Variants in BRWD1 observed in about 807,000 individuals in gnomAD.
BRWD1 encodes bromodomain and WD repeat domain containing 1.
BRWD1 carries 82 observed loss-of-function variants against 251.2 expected under a neutral mutation model. That is an observed-to-expected ratio of 0.33 (90% CI 0.27 to 0.39). The LOEUF is 0.39. BRWD1 is among the 10% of genes least tolerant of loss of function. The pLI is 1.00. For missense variants in BRWD1, 2,233 were observed against 2,711.6 expected, an observed-to-expected ratio of 0.82 and a Z score of 3.92; for synonymous variants, 918 against 902.8, an observed-to-expected ratio of 1.02 and a Z score of -0.30.
rs2031440496 is a variant in BRWD1, at chr21:39,189,656, T to C, written c.*6603A>G. ...TTTCAGAGAATAAGGATAAAAACAATCTGAGGAAGACAAAACTGTGGAGAA... is the reference window on the plus strand; with the variant it reads ...TTTCAGAGAATAAGGATAAAAACAACCTGAGGAAGACAAAACTGTGGAGAA... On this transcript the variant is annotated 3_prime_UTR_variant, in exon 41 of 41. Transcript: ENST00000342449. 1 of 981,660 alleles carries C rather than the reference T, an allele frequency of 1.0e-6. No homozygotes were observed. Among genetic ancestry groups the C allele is most frequent in the Admixed American group, 6.2e-5 (1 of 16,242 alleles). The allele number at this position is 981,660 out of a possible 1,614,324, so 60.8% of individuals were successfully genotyped here. A position where few individuals can be genotyped will look rare whatever the true frequency, so the allele number is the denominator to read the frequency against.
chr21:39,270,971 A>G (rs1170434673), intron 13 of BRWD1, among the ~76,000 whole-genome samples: 1 of 152,218 alleles, frequency 6.6e-6, no homozygotes, highest in Non-Finnish European at 1.5e-5. Context: ...TTGGATACAC[A>G]TGCCTAGAAT....
intron 1 of BRWD1, 69 bp from the exon 2 acceptor site, chr21:39,313,368 G>A: frequency 3.4e-6 from 5 of 1,477,110 alleles, no homozygotes; most frequent in African/African-American, 2.9e-5. Flanking sequence ...AGGGGAGCCG[G>A]GGGAGCCCGG....
Position 39,232,304 on chromosome 21 carries a change from AT to A in BRWD1, c.2893-21del. 1 of 1,604,886 alleles carries A rather than the reference AT, an allele frequency of 6.2e-7. No individual in the cohort carries two copies. Among genetic ancestry groups the A allele is most frequent in the South Asian group, 1.1e-5 (1 of 89,340 alleles). On this transcript the variant is annotated intron_variant, in intron 24 of 40. Transcript: ENST00000342449. ...TATTACCTACAAAAGGGAAATATGC[AT>A]TTAAAAATTAAGAGCAATATAAACT...
chr21:39,320,476 A>G (rs1308284937), intron 1 of BRWD1, among the ~76,000 whole-genome samples: 3 of 151,968 alleles, frequency 2.0e-5, no homozygotes, highest in Non-Finnish European at 2.9e-5. Context: ...CTGGGACTAC[A>G]GGCACCCACC....
At chr21:39,228,608 A>T (rs1210320128) in intron 26 of BRWD1, 26 bp from the exon 27 acceptor site, 13 of 1,399,126 alleles carry the variant, frequency 9.3e-6, no homozygotes, top group Non-Finnish European at 1.3e-5. Flanking sequence ...AAAAATTGTT[A>T]AACTCTCTAC....
At chr21:39,202,854 C>T (rs1054426767) in intron 37 of BRWD1, among the ~76,000 whole-genome samples, 2 of 152,136 alleles carry the variant, frequency 1.3e-5, no homozygotes, top group South Asian at 2.1e-4. Flanking sequence ...CCAACATTTA[C>T]GTAATATAGG....
chr21:39,304,299 A>G (rs1359525989), intron 4 of BRWD1, among the ~76,000 whole-genome samples: 2 of 151,874 alleles, frequency 1.3e-5, no homozygotes, highest in Non-Finnish European at 2.9e-5. Flanking sequence ...ACTTAAACCC[A>G]ATTATGTTTA....
intron 5 of BRWD1, chr21:39,297,106 C>T (rs1385768862): frequency 2.0e-6 from 2 of 985,318 alleles, no homozygotes; most frequent in Middle Eastern, 5.2e-4. Context: ...CTTGACCTAC[C>T]AGCAAATGCA....
chr21:39,296,276 G>A lies in BRWD1; in HGVS notation c.437C>T (p.Pro146Leu). 5 of 1,596,706 alleles carry A rather than the reference G, an allele frequency of 3.1e-6. No homozygotes were observed. Among genetic ancestry groups the A allele is most frequent in the Non-Finnish European group, 4.3e-6 (5 of 1,173,648 alleles). Residue 146 changes from proline to leucine, a missense_variant, in exon 6 of 41, where the codon CCA becomes CTA. Around this residue, in one of 12 missense-constraint regions of BRWD1, gnomAD observed 185 missense variants for 260.6 expected, o/e 0.71. Transcript: ENST00000342449. ...PPEMPVNYGS[P>L]PNLVEIHRGK... ...CCAACCTTACTTACCAAGATTTGGT[G>A]GGGAACCATAATTCACTGGCATTTC...
In BRWD1 at chr21:39,187,169, C is replaced by G. The variant is rs757284105; in HGVS notation, c.*9090G>C. ...TTCAGTAATTTTTTCTTAGCCGCAG[C>G]AGAAGCATTTCGATGGGGCAGTTTT... On this transcript the variant is annotated 3_prime_UTR_variant, in exon 41 of 41. Transcript: ENST00000342449. 1.2e-6 allele frequency: 2 copies of G among 1,613,772 alleles called. No individual in the cohort carries two copies. Among genetic ancestry groups the G allele is most frequent in the Non-Finnish European group, 1.7e-6 (2 of 1,179,910 alleles).
chr21:39,302,847 G>A (rs2036164547), intron 4 of BRWD1, among the ~76,000 whole-genome samples: 1 of 151,692 alleles, frequency 6.6e-6, no homozygotes, highest in Admixed American at 6.6e-5. Context: ...ATCACTTGAG[G>A]CCAAGAGTTC....
intron 25 of BRWD1, among the ~76,000 whole-genome samples, chr21:39,231,205 A>C (rs1442561133): frequency 1.3e-5 from 2 of 152,208 alleles, no homozygotes; most frequent in Non-Finnish European, 2.9e-5. Flanking sequence ...AAATAAAAAA[A>C]CACGTGTACT....
At chr21:39,265,407 C>T (rs1268261899) in intron 15 of BRWD1, among the ~76,000 whole-genome samples, 2 of 152,066 alleles carry the variant, frequency 1.3e-5, no homozygotes, top group Non-Finnish European at 2.9e-5. Context: ...TGCACTCAAG[C>T]CTGGGTGACA....
intron 21 of BRWD1, among the ~76,000 whole-genome samples, chr21:39,244,048 T>C (rs2034094320): frequency 1.3e-5 from 2 of 152,102 alleles, no homozygotes; most frequent in African/African-American, 4.8e-5. Context: ...TAAGGCAGGG[T>C]TTCTGCTCTG....
Position 39,298,488 on chromosome 21 carries a change from G to A in BRWD1, c.293C>T (p.Ser98Leu). The A allele has an allele frequency of 2.5e-6, 4 of 1,610,460 alleles. No homozygotes were observed. The highest frequency in any genetic ancestry group is 2.5e-6 in the Non-Finnish European group (3 of 1,178,960). Residue 98 changes from serine (S) to leucine (L), a missense_variant, in exon 5 of 41, where the codon TCA becomes TTA. Transcript: ENST00000342449. ...TGCACCAAGTAAAGAAGTGACTCTT[G>A]AAATACTGGGTGGAATTTCTTTATC... is the stretch of plus-strand genomic sequence containing the variant. ...MLDKEIPPSISRVTSLLGAGR... is the reference protein window; with the variant it reads ...MLDKEIPPSILRVTSLLGAGR...
intron 36 of BRWD1, among the ~76,000 whole-genome samples, chr21:39,206,671 AG>A (rs2032404196): frequency 6.6e-6 from 1 of 152,202 alleles, no homozygotes; most frequent in Non-Finnish European, 1.5e-5. Flanking sequence ...CTTTGGGGCA[AG>A]GGAACAAAAG....
intron 36 of BRWD1, among the ~76,000 whole-genome samples, chr21:39,208,184 C>CTA (rs2032495511): frequency 6.6e-6 from 1 of 152,146 alleles, no homozygotes; most frequent in Non-Finnish European, 1.5e-5. Context: ...AACCACTGAA[C>CTA]TATAAGCTTT....
chr21:39,272,399 C>A (rs1390566529), intron 13 of BRWD1, among the ~76,000 whole-genome samples: 1 of 150,614 alleles, frequency 6.6e-6, no homozygotes, highest in Non-Finnish European at 1.5e-5. Context: ...ATGTGGCGGG[C>A]GCCTGTAGTC....
chr21:39,193,417 G>T lies in BRWD1; in HGVS notation c.*2842C>A. Reference sequence around the variant, plus strand: ...ATTGTAAGTATACCTTTTTAAATAAGGAGGACACGAAAAAAGAAAGCTTTG... The same window carrying T: ...ATTGTAAGTATACCTTTTTAAATAATGAGGACACGAAAAAAGAAAGCTTTG... On this transcript the variant is annotated 3_prime_UTR_variant, in exon 41 of 41. Coordinates refer to ENST00000342449, the MANE Select transcript of BRWD1 (RefSeq NM_033656.4). The T allele has an allele frequency of 1.0e-6, 1 of 984,588 alleles. No individual in the cohort carries two copies. The highest frequency in any genetic ancestry group is 1.2e-6 in the Non-Finnish European group (1 of 829,282). The allele number at this position is 984,588 out of a possible 1,614,324, so 61.0% of individuals were successfully genotyped here. A position where few individuals can be genotyped will look rare whatever the true frequency, so the allele number is the denominator to read the frequency against.
Sources: allele counts gnomAD v4.1 joint callset (sites outside exome capture counted in the v4.1 genomes callset), GRCh38; gene constraint gnomAD v4.1.1; regional missense constraint gnomAD v4.1.1; transcripts MANE v1.5; gene names NCBI Gene and HGNC (gene_info 2026-07-23, HGNC 2026-07-21).